CDH9: variants seen among roughly 807,000 people sequenced by gnomAD.
CDH9 encodes cadherin 9.
CDH9 carries 28 observed loss-of-function variants against 70.9 expected under a neutral mutation model. The ratio of observed to expected loss-of-function variants is 0.40; its 90% CI spans 0.29 to 0.54. The LOEUF is 0.54. Among genes scored for constraint, CDH9 ranks in the 20% least tolerant of loss-of-function variants. The pLI, the probability that CDH9 is intolerant of heterozygous loss-of-function variation, is 0.59. For missense variants in CDH9, 874 were observed against 984.4 expected (o/e 0.89, Z 1.50); for synonymous variants, 409 against 343.1 (o/e 1.19, Z -2.12).
chr5:26,887,766 A>C (rs1467807284), intron 9 of CDH9, among the ~76,000 whole-genome samples: 2 of 152,148 alleles, frequency 1.3e-5, no homozygotes, highest in Non-Finnish European at 2.9e-5. Flanking sequence ...TCATAAGAAG[A>C]AGCAAGTTTG....
intron 2 of CDH9, among the ~76,000 whole-genome samples, chr5:26,965,046 C>T (rs763819971): frequency 4.6e-5 from 7 of 152,060 alleles, no homozygotes; most frequent in East Asian, 1.9e-4. Flanking sequence ...CTTCCAACTA[C>T]TAACTTTTAT....
chr5:26,895,514 C>G (rs1342779878), intron 7 of CDH9, among the ~76,000 whole-genome samples: 1 of 151,990 alleles, frequency 6.6e-6, no homozygotes, highest in African/African-American at 2.4e-5. Context: ...TTCAATTCCA[C>G]AGCAGTAGAA....
In CDH9 at chr5:27,036,852, C is replaced by A. The variant is rs146767277; in HGVS notation, c.-50+1611G>T. ...GGAAAAACTTTAGTCAAACCCATAA[C>A]ATATTTGGTGACAAGACTACAAACA... is the stretch of plus-strand genomic sequence containing the variant. On this transcript the variant is annotated intron_variant, in intron 1 of 11. Coordinates refer to ENST00000231021, the MANE Select transcript of CDH9 (RefSeq NM_016279.4). Among the ~76,000 whole-genome samples, 680 of 152,036 alleles carry A rather than the reference C, an allele frequency of 4.5e-3. 5 individuals are homozygous for A. The highest frequency in any genetic ancestry group is 0.016 in the African/African-American group (647 of 41,526).
At chr5:26,976,771 T>A (rs1464378539) in intron 2 of CDH9, among the ~76,000 whole-genome samples, 3 of 152,178 alleles carry the variant, frequency 2.0e-5, no homozygotes, top group Admixed American at 2.0e-4. Flanking sequence ...TTATTATGCA[T>A]ACTGGCCACT....
chr5:26,984,404 T>C (rs1742455310), intron 2 of CDH9, among the ~76,000 whole-genome samples: 1 of 152,090 alleles, frequency 6.6e-6, no homozygotes, highest in Admixed American at 6.5e-5. Context: ...TTGTGAAAAA[T>C]AAATACTATG....
chr5:26,916,640 T>A (rs1027820863), intron 2 of CDH9, among the ~76,000 whole-genome samples: 2 of 151,946 alleles, frequency 1.3e-5, no homozygotes, highest in Non-Finnish European at 2.9e-5. Flanking sequence ...TCTCAAAATA[T>A]CTTGTTGTTA....
At chr5:26,892,977 C>T (rs1740686763) in intron 7 of CDH9, among the ~76,000 whole-genome samples, 1 of 152,080 alleles carries the variant, frequency 6.6e-6, no homozygotes, top group African/African-American at 2.4e-5. Context: ...TCGTGATCCG[C>T]CTGCCTTGGC....
chr5:26,886,166 G>T (rs1010855355), intron 9 of CDH9, 83 bp from the exon 10 acceptor site: 16 of 1,435,372 alleles, frequency 1.1e-5, no homozygotes, highest in African/African-American at 1.4e-5. Context: ...CCATGTATTT[G>T]TGCTTTAAAT....
chr5:26,977,961 C>T (rs757731512), intron 2 of CDH9, among the ~76,000 whole-genome samples: 22 of 152,054 alleles, frequency 1.4e-4, no homozygotes, highest in South Asian at 6.2e-4. Context: ...CTACAGGACT[C>T]AGGGAATAAA....
chr5:27,020,653 T>C (rs2112124903), intron 1 of CDH9, among the ~76,000 whole-genome samples: 1 of 151,586 alleles, frequency 6.6e-6, no homozygotes, highest in African/African-American at 2.4e-5. Flanking sequence ...TACATCTTGA[T>C]CCGATGTATT....
intron 2 of CDH9, among the ~76,000 whole-genome samples, chr5:26,972,702 C>G (rs1742240657): frequency 6.6e-6 from 1 of 152,116 alleles, no homozygotes; most frequent in Admixed American, 6.6e-5. Context: ...AATATTAAAA[C>G]AATTTCTACC....
At chr5:26,914,403 T>C (rs992022802) in intron 3 of CDH9, among the ~76,000 whole-genome samples, 1 of 151,954 alleles carries the variant, frequency 6.6e-6, no homozygotes, top group Non-Finnish European at 1.5e-5. Context: ...ACCAATCTAG[T>C]ACTTTCCATG....
chr5:26,964,098 C>G (rs190783133), intron 2 of CDH9, among the ~76,000 whole-genome samples: 1 of 149,964 alleles, frequency 6.7e-6, no homozygotes, highest in East Asian at 2.0e-4. Context: ...TAATAAAGCT[C>G]TCATACTGTT....
intron 1 of CDH9, among the ~76,000 whole-genome samples, chr5:27,011,606 T>C (rs906509177): frequency 1.1e-4 from 16 of 152,086 alleles, no homozygotes; most frequent in Non-Finnish European, 2.4e-4. Context: ...TTGTCATGCA[T>C]TGCTATGGCA....
intron 2 of CDH9, among the ~76,000 whole-genome samples, chr5:26,984,752 C>CATCTA (rs1554002218): frequency 6.6e-6 from 1 of 152,070 alleles, no homozygotes; most frequent in African/African-American, 2.4e-5. Flanking sequence ...ATTATTATGA[C>CATCTA]TTTTTTTCCT....
At chr5:26,931,079 C>A (rs1392309954) in intron 2 of CDH9, among the ~76,000 whole-genome samples, 1 of 152,118 alleles carries the variant, frequency 6.6e-6, no homozygotes, top group Non-Finnish European at 1.5e-5. Context: ...GCTCTCATAG[C>A]AAACCACGAC....
Position 26,944,950 on chromosome 5 carries a change from A to G in CDH9, c.229-29026T>C, listed in dbSNP as rs545364252. Among the ~76,000 whole-genome samples, 7 of 93,272 alleles carry G rather than the reference A, an allele frequency of 7.5e-5. No homozygotes were observed. In the South Asian group the frequency reaches 2.1e-3, roughly 28 times the overall value. 61.2% of individuals were successfully genotyped at this position (93,272 alleles called of 152,430 possible). A position where few individuals can be genotyped will look rare whatever the true frequency, so the allele number is the denominator to read the frequency against. ...AAAACTTAAATCTTTGATATACACT[A>G]TTAGTAGAACTCTGAGTGAAACTAT... On this transcript the variant is annotated intron_variant, in intron 2 of 11. Transcript: ENST00000231021.
intron 2 of CDH9, among the ~76,000 whole-genome samples, chr5:26,946,915 C>A (rs529334444): frequency 6.6e-6 from 1 of 152,250 alleles, no homozygotes; most frequent in African/African-American, 2.4e-5. Flanking sequence ...GTCAGGCAAA[C>A]CCTCACTGTT....
At chr5:27,001,280 G>A (rs1298066879) in intron 1 of CDH9, among the ~76,000 whole-genome samples, 2 of 152,210 alleles carry the variant, frequency 1.3e-5, no homozygotes, top group Admixed American at 6.6e-5. Flanking sequence ...AAAGTTGAGT[G>A]CAGTTTCTAA....
Sources: gnomAD v4.1 joint callset for allele counts (sites outside exome capture counted in the v4.1 genomes callset) on GRCh38, gnomAD v4.1.1 for gene constraint, MANE v1.5 for transcripts, NCBI Gene and HGNC (gene_info 2026-07-23, HGNC 2026-07-21) for gene names.